C5: variants seen among roughly 807,000 people sequenced by gnomAD.
The protein encoded by C5 is complement C5.
A neutral mutation model predicts 218.8 loss-of-function variants in C5; 140 were observed. The ratio of observed to expected loss-of-function variants is 0.64; its 90% CI spans 0.56 to 0.74. The LOEUF (loss-of-function observed/expected upper bound fraction) is 0.74. C5 is among the 30% of genes least tolerant of loss of function. C5 has a pLI of 0.00. For missense variants in C5, 1,700 were observed against 1,969.6 expected (o/e 0.86, Z 2.59); for synonymous variants, 614 against 682.3 (o/e 0.90, Z 1.56).
At position 121,014,009 on chromosome 9, in the gene C5, A is replaced by G. The variant is rs1564151598; in HGVS notation, c.2121T>C (p.Asn707=). Reference sequence around the variant, plus strand: ...CAGCTCGCTGCTCACAGGTTTCATCATTATTAACGCAGGCTCCATCGTAAC... The same window carrying G: ...CAGCTCGCTGCTCACAGGTTTCATCGTTATTAACGCAGGCTCCATCGTAAC... ...KCCYDGACVN[N]DETCEQRAAR... is the part of the protein sequence containing the mutation. The change falls in exon 17 of 41, where the codon AAT becomes AAC. Residue 707 remains asparagine, a synonymous_variant. Coordinates refer to ENST00000223642, the MANE Select transcript of C5 (RefSeq NM_001735.3). 1 of 1,614,166 alleles carries G rather than the reference A, an allele frequency of 6.2e-7. No homozygotes were observed. The highest frequency in any genetic ancestry group is 1.1e-5 in the South Asian group (1 of 91,088).
At chr9:121,074,648 T>A in the C5 span, 1 of 372,450 alleles carries the variant, frequency 2.7e-6, no homozygotes, top group Non-Finnish European at 5.3e-6. Context: ...CGTGTCCGTG[T>A]TTCAGAGGGT....
At chr9:120,984,913 G>T (rs2047022052) in intron 25 of C5, among the ~76,000 whole-genome samples, 1 of 151,528 alleles carries the variant, frequency 6.6e-6, no homozygotes, top group Admixed American at 6.6e-5. Context: ...GTAGAGACAG[G>T]GTTTCACCAT....
chr9:120,962,951 T>C lies in C5; in HGVS notation c.4340A>G (p.Asp1447Gly), dbSNP rs952512953. ...GATTTGGTAATCAGTGAATAGTTGATCCACCCCTTCCACAAGCTAAGGGGG... is the reference window on the plus strand; with the variant it reads ...GATTTGGTAATCAGTGAATAGTTGACCCACCCCTTCCACAAGCTAAGGGGG... ...EDLKALVEGV[D>G]QLFTDYQIKD... Residue 1447 changes from aspartate to glycine, a missense_variant, in exon 35 of 41, where the codon GAT (aspartate) becomes GGT (glycine). Coordinates refer to ENST00000223642, the MANE Select transcript of C5 (RefSeq NM_001735.3). 6.2e-7 allele frequency: 1 copy of C among 1,613,560 alleles called. No individual in the cohort carries two copies. The highest frequency in any genetic ancestry group is 8.5e-7 in the Non-Finnish European group (1 of 1,179,498).
At chr9:121,022,913 T>C (rs549445211) in intron 10 of C5, among the ~76,000 whole-genome samples, 2 of 151,570 alleles carry the variant, frequency 1.3e-5, no homozygotes, top group South Asian at 4.2e-4. Context: ...CAGAGAGCAA[T>C]ACAGAGACGA....
At chr9:121,057,882 C>T in the C5 span, among the ~76,000 whole-genome samples, 1 of 152,102 alleles carries the variant, frequency 6.6e-6, no homozygotes, top group Admixed American at 6.6e-5. Flanking sequence ...TAGTAGATTC[C>T]GTGTAACCTA....
chr9:120,997,859 G>T, intron 20 of C5, 85 bp from the exon 21 acceptor site: 1 of 1,157,870 alleles, frequency 8.6e-7, no homozygotes, highest in African/African-American at 1.5e-5. Flanking sequence ...CTGGAGTGCA[G>T]CGGCATGATC....
chr9:120,958,760 T>C (rs2046804786), intron 38 of C5, among the ~76,000 whole-genome samples: 1 of 152,182 alleles, frequency 6.6e-6, no homozygotes, highest in African/African-American at 2.4e-5. Flanking sequence ...TTAATCTCCC[T>C]GAGCCTCAGT....
Position 120,991,244 on chromosome 9 carries a change from A to G in C5, c.2888T>C (p.Ile963Thr), listed in dbSNP as rs750963055. 1 of 1,611,674 alleles carries G rather than the reference A, an allele frequency of 6.2e-7. No homozygotes were observed. Among genetic ancestry groups the G allele is most frequent in the Non-Finnish European group, 8.5e-7 (1 of 1,177,728 alleles). Residue 963 changes from isoleucine (I) to threonine (T), a missense_variant, in exon 23 of 41, where the codon ATA (isoleucine) becomes ACA (threonine). Ile to Thr is a moderately conservative substitution (Grantham distance 89). Transcript: ENST00000223642. ...TGTTTTGGGGACCAAATCTAAGGGTATCCTGTATGGGAACTCCTTTCGTCT... is the reference window on the plus strand; with the variant it reads ...TGTTTTGGGGACCAAATCTAAGGGTGTCCTGTATGGGAACTCCTTTCGTCT... ...ISRRKEFPYR[I>T]PLDLVPKTEI...
At chr9:120,989,151 C>T in intron 24 of C5, 30 bp from the exon 25 acceptor site, 1 of 1,526,230 alleles carries the variant, frequency 6.6e-7, no homozygotes, top group Non-Finnish European at 9.1e-7. Context: ...GAACACGGTG[C>T]TTAACAGACC....
intron 3 of C5, among the ~76,000 whole-genome samples, chr9:121,038,654 T>G (rs1473174508): frequency 2.0e-5 from 3 of 152,220 alleles, no homozygotes; most frequent in Non-Finnish European, 4.4e-5. Flanking sequence ...AGTGATCTAA[T>G]TCTTTCCAAT....
upstream of C5, among the ~76,000 whole-genome samples, chr9:121,051,283 C>T (rs1588004490): frequency 6.6e-6 from 1 of 151,946 alleles, no homozygotes; most frequent in Non-Finnish European, 1.5e-5. Flanking sequence ...CCATCACATC[C>T]AGCTAATTTT....
chr9:120,969,154 T>C, intron 32 of C5, 36 bp from the exon 33 acceptor site: 1 of 1,578,898 alleles, frequency 6.3e-7, no homozygotes, highest in Non-Finnish European at 8.7e-7. Context: ...CAGACAAATA[T>C]AAGAGTAAAC....
At chr9:121,074,583 CG>C in the C5 span, among the ~76,000 whole-genome samples, 1 of 152,204 alleles carries the variant, frequency 6.6e-6, no homozygotes, top group African/African-American at 2.4e-5. Flanking sequence ...TGGGGGAGGC[CG>C]GGGAGGCGCT....
intron 28 of C5, among the ~76,000 whole-genome samples, chr9:120,977,504 G>C (rs1470630943): frequency 1.3e-5 from 2 of 152,104 alleles, no homozygotes; most frequent in Non-Finnish European, 2.9e-5. Context: ...CACCCAGGCT[G>C]GAGTGCAGTG....
rs751500855 is a variant in C5, at chr9:120,997,783, C to T, written c.2563-9G>A. On this transcript the variant is annotated splice_polypyrimidine_tract_variant and intron_variant, in intron 20 of 40. Coordinates refer to ENST00000223642, the MANE Select transcript of C5 (RefSeq NM_001735.3). ...GACATTTTAACACAGAACTGAAATA[C>T]AAGTGAAGAATTATATCAAAATACA... The T allele has an allele frequency of 2.7e-5, 44 of 1,604,812 alleles. No homozygotes were observed. Among genetic ancestry groups the T allele is most frequent in the Non-Finnish European group, 3.8e-5 (44 of 1,173,112 alleles).
chr9:121,018,737 G>GA (rs1439699610), intron 12 of C5, among the ~76,000 whole-genome samples: 11,597 of 87,958 alleles, frequency 0.13, 1,422 homozygotes, highest in East Asian at 0.25. Flanking sequence ...AGGAAGGAAG[G>GA]AAGGAAAGGA....
At chr9:121,024,863 T>C (rs181060209) in intron 9 of C5, among the ~76,000 whole-genome samples, 12 of 152,382 alleles carry the variant, frequency 7.9e-5, no homozygotes, top group African/African-American at 2.9e-4. Context: ...ACATCATTAA[T>C]GTTTGCAAGC....
At chr9:120,971,759 T>C (rs1368751509) in intron 31 of C5, among the ~76,000 whole-genome samples, 171 bp downstream of exon 31, 1 of 152,160 alleles carries the variant, frequency 6.6e-6, no homozygotes, top group Admixed American at 6.5e-5. Context: ...TTCAAAAAAA[T>C]TGTGAGGATA....
At chr9:121,062,991 T>C in the C5 span, among the ~76,000 whole-genome samples, 9 of 152,140 alleles carry the variant, frequency 5.9e-5, no homozygotes, top group Non-Finnish European at 1.0e-4. Flanking sequence ...TTGAGTTTTC[T>C]TGAATGTGTG....
Sources: gnomAD v4.1 joint callset for allele counts (sites outside exome capture counted in the v4.1 genomes callset) on GRCh38, gnomAD v4.1.1 for gene constraint, MANE v1.5 for transcripts, NCBI Gene and HGNC (gene_info 2026-07-23, HGNC 2026-07-21) for gene names.